PDE1A: variants seen among roughly 807,000 people sequenced by gnomAD.
The protein encoded by PDE1A is dual specificity calcium/calmodulin-dependent 3',5'-cyclic nucleotide phosphodiesterase 1A.
In PDE1A, 35 loss-of-function variants were observed where a neutral mutation model predicts 61.7. That is an observed-to-expected ratio of 0.57 (90% CI 0.43 to 0.75). The LOEUF is 0.75. PDE1A is among the 30% of genes least tolerant of loss of function. The pLI is 0.00. For missense variants in PDE1A, 597 were observed against 630.6 expected (o/e 0.95, Z 0.57); for synonymous variants, 232 against 213.2 (o/e 1.09, Z -0.77).
At chr2:182,230,516 T>C (rs984925672) in intron 5 of PDE1A, among the ~76,000 whole-genome samples, 2 of 152,186 alleles carry the variant, frequency 1.3e-5, no homozygotes, top group African/African-American at 2.4e-5. Context: ...AGATTATCTC[T>C]CAGTACTTTA....
chr2:182,500,390 G>A (rs531838294), intron 2 of PDE1A, among the ~76,000 whole-genome samples: 22 of 151,966 alleles, frequency 1.4e-4, no homozygotes, highest in Non-Finnish European at 2.8e-4. Context: ...TATGAAATCA[G>A]TAAAGAATAT....
chr2:182,354,286 C>T (rs1032888484), intron 1 of PDE1A, among the ~76,000 whole-genome samples: 1 of 152,174 alleles, frequency 6.6e-6, no homozygotes, highest in Admixed American at 6.5e-5. Flanking sequence ...CAATGTCACA[C>T]TGGTGACTGT....
chr2:182,204,099 T>A (rs1686892944), intron 8 of PDE1A, among the ~76,000 whole-genome samples: 1 of 150,604 alleles, frequency 6.6e-6, no homozygotes, highest in Middle Eastern at 3.8e-3. Flanking sequence ...AGCAACAAAG[T>A]GAACTTTGAG....
chr2:182,191,656 A>G lies in PDE1A; in HGVS notation c.1126-2596T>C, dbSNP rs554305844. 1.8e-4 allele frequency among the ~76,000 whole-genome samples: 28 copies of G among 151,702 alleles called. No individual in the cohort carries two copies. The South Asian group carries it at 5.4e-3, about 29-fold the overall frequency. ...CACAATTATTTTTGCACCACCCTAA[A>G]TATTATAAGATTGTATCTATTAAAT... On this transcript the variant is annotated intron_variant, in intron 10 of 13. Coordinates refer to ENST00000351439, the Ensembl canonical transcript of PDE1A.
intron 1 of PDE1A, chr2:182,522,491 C>A (rs1690630897): frequency 6.5e-7 from 1 of 1,540,178 alleles, no homozygotes; most frequent in Admixed American, 1.9e-5. Context: ...TCTATCAAAA[C>A]AGTGCTGATG....
chr2:182,403,002 C>A (rs1310834484), intron 1 of PDE1A, among the ~76,000 whole-genome samples: 2 of 148,910 alleles, frequency 1.3e-5, no homozygotes, highest in Non-Finnish European at 1.5e-5. Context: ...AGAATGGCGA[C>A]CATTAAAAAG....
At chr2:182,446,044 A>G (rs1230200474) in intron 2 of PDE1A, among the ~76,000 whole-genome samples, 1 of 152,114 alleles carries the variant, frequency 6.6e-6, no homozygotes, top group African/African-American at 2.4e-5. Flanking sequence ...TGCCAAGTAC[A>G]CTTTTTTGGA....
chr2:182,282,660 C>G (rs1219599882), intron 1 of PDE1A, among the ~76,000 whole-genome samples: 1 of 151,676 alleles, frequency 6.6e-6, no homozygotes, highest in Non-Finnish European at 1.5e-5. Context: ...TATATAATTC[C>G]AAAACTTGGC....
At chr2:182,359,874 G>T (rs941794206) in intron 1 of PDE1A, among the ~76,000 whole-genome samples, 8 of 152,112 alleles carry the variant, frequency 5.3e-5, no homozygotes, top group Non-Finnish European at 1.0e-4. Context: ...TCTTGAGATT[G>T]CCAAGGAATG....
intron 2 of PDE1A, among the ~76,000 whole-genome samples, chr2:182,436,351 C>A (rs1472021551): frequency 6.6e-6 from 1 of 151,908 alleles, no homozygotes; most frequent in African/African-American, 2.4e-5. Context: ...GCCATAGTTA[C>A]CATAATTTTT....
intron 1 of PDE1A, among the ~76,000 whole-genome samples, chr2:182,313,761 ACATT>A (rs1234736048): frequency 1.3e-5 from 1 of 77,820 alleles, no homozygotes; most frequent in Non-Finnish European, 3.3e-5. Flanking sequence ...ATAGGATGAA[ACATT>A]AGTAGGTTTT....
chr2:182,353,102 G>A (rs571973563), intron 1 of PDE1A, among the ~76,000 whole-genome samples: 28 of 152,250 alleles, frequency 1.8e-4, no homozygotes, highest in East Asian at 9.7e-4. Context: ...GAAAAGTCAC[G>A]TATGGATTTT....
chr2:182,542,476 T>C, the PDE1A span, among the ~76,000 whole-genome samples: 1 of 152,104 alleles, frequency 6.6e-6, no homozygotes, highest in Middle Eastern at 3.2e-3. Flanking sequence ...GAATTAAACA[T>C]TTGTGTAAAT....
intron 1 of PDE1A, among the ~76,000 whole-genome samples, chr2:182,274,451 C>A (rs937375980): frequency 6.6e-6 from 1 of 151,984 alleles, no homozygotes; most frequent in African/African-American, 2.4e-5. Flanking sequence ...ATTTCCATGG[C>A]AGATACTATT....
At chr2:182,209,350 C>A (rs1321700806) in intron 7 of PDE1A, among the ~76,000 whole-genome samples, 1 of 151,954 alleles carries the variant, frequency 6.6e-6, no homozygotes, top group Non-Finnish European at 1.5e-5. Context: ...AAACCACCCC[C>A]ATGATTCAAT....
At position 182,226,039 on chromosome 2, in the gene PDE1A, A is replaced by G. The variant is rs192404757; in HGVS notation, c.676-2075T>C. Among the ~76,000 whole-genome samples, 21 of 149,918 alleles carry G rather than the reference A, an allele frequency of 1.4e-4. 3 individuals carry two copies. The highest frequency in any genetic ancestry group is 5.1e-4 in the African/African-American group (20 of 39,516). On this transcript the variant is annotated intron_variant, in intron 6 of 13. Transcript: ENST00000351439. ...ACTAAACACCATGAAATGAATAGCA[A>G]TTGAAGTTAAACTAGTTTTGTACCC... is the stretch of plus-strand genomic sequence containing the variant.
intron 2 of PDE1A, among the ~76,000 whole-genome samples, chr2:182,500,335 G>A (rs1324555113): frequency 6.6e-6 from 1 of 152,150 alleles, no homozygotes; most frequent in Non-Finnish European, 1.5e-5. Context: ...TCAGGAGGGG[G>A]TGGCAGGAGC....
chr2:182,640,046 C>T, the PDE1A span, among the ~76,000 whole-genome samples: 36 of 152,236 alleles, frequency 2.4e-4, no homozygotes, highest in African/African-American at 8.2e-4. Flanking sequence ...ATAATTCAGG[C>T]TGTATTCATA....
At chr2:182,696,396 G>A in the PDE1A span, among the ~76,000 whole-genome samples, 8 of 152,178 alleles carry the variant, frequency 5.3e-5, no homozygotes, top group Non-Finnish European at 1.0e-4. Context: ...CCAACTACAT[G>A]ACGTTCTGAA....
Sources: gnomAD v4.1 joint callset for allele counts (sites outside exome capture counted in the v4.1 genomes callset) on GRCh38, gnomAD v4.1.1 for gene constraint, MANE v1.5 for transcripts, NCBI Gene and HGNC (gene_info 2026-07-23, HGNC 2026-07-21) for gene names.